Variants in PRDM16 observed in about 807,000 individuals in gnomAD.
PRDM16 encodes the protein PR/SET domain 16, also known as histone-lysine N-methyltransferase PRDM16.
Under a neutral mutation model 110.6 loss-of-function variants are expected in PRDM16, and 23 were observed. The ratio of observed to expected loss-of-function variants is 0.21; its 90% CI spans 0.15 to 0.29. PRDM16 has a LOEUF of 0.29. PRDM16 is among the 10% of genes least tolerant of loss of function. PRDM16 has a pLI of 1.00. For synonymous variants in PRDM16, 799 were observed against 781.8 expected (o/e 1.02, Z -0.37); for missense variants, 1,615 against 1,794.3 (o/e 0.90, Z 1.81).
intron 10 of PRDM16, among the ~76,000 whole-genome samples, chr1:3,416,346 G>C (rs547166604): frequency 1.3e-5 from 2 of 152,326 alleles, no homozygotes; most frequent in Non-Finnish European, 2.9e-5. Flanking sequence ...GACCCCAGCC[G>C]CGTGATGGGA....
intron 3 of PRDM16, among the ~76,000 whole-genome samples, chr1:3,333,026 G>A (rs1440672668): frequency 2.6e-5 from 4 of 152,174 alleles, no homozygotes; most frequent in Non-Finnish European, 5.9e-5. Flanking sequence ...GGCGATTTTG[G>A]ACAGTGCTGC....
At chr1:3,226,054 C>T (rs1639282529) in intron 2 of PRDM16, among the ~76,000 whole-genome samples, 1 of 152,238 alleles carries the variant, frequency 6.6e-6, no homozygotes, top group African/African-American at 2.4e-5. Flanking sequence ...GCCCAGCAGG[C>T]AGGCAGCCCT....
intron 3 of PRDM16, among the ~76,000 whole-genome samples, chr1:3,368,567 A>G (rs1642856298): frequency 6.6e-6 from 1 of 152,236 alleles, no homozygotes; most frequent in Non-Finnish European, 1.5e-5. Flanking sequence ...GAAAGGGGCC[A>G]TCTTTGCACA....
At chr1:3,270,875 C>A (rs1640437178) in intron 3 of PRDM16, among the ~76,000 whole-genome samples, 1 of 151,440 alleles carries the variant, frequency 6.6e-6, no homozygotes, top group African/African-American at 2.4e-5. Flanking sequence ...GGAGGACAGT[C>A]CAGGAGGAGG....
At chr1:3,238,991 G>A (rs985159952) in intron 2 of PRDM16, among the ~76,000 whole-genome samples, 2 of 152,216 alleles carry the variant, frequency 1.3e-5, no homozygotes, top group African/African-American at 4.8e-5. Flanking sequence ...CCGCGTCTGC[G>A]GTGCCTGGGA....
intron 2 of PRDM16, among the ~76,000 whole-genome samples, chr1:3,234,394 C>T (rs760472235): frequency 6.6e-6 from 1 of 152,222 alleles, no homozygotes; most frequent in Non-Finnish European, 1.5e-5. Context: ...CAGGTCCATC[C>T]TCAACTCCCC....
At chr1:3,351,634 C>T (rs1378186965) in intron 3 of PRDM16, among the ~76,000 whole-genome samples, 2 of 7,364 alleles carry the variant, frequency 2.7e-4, no homozygotes, top group African/African-American at 8.5e-4. Context: ...CTCCCCCTCC[C>T]TCTCTCTCCA....
At chr1:3,287,301 A>G in intron 3 of PRDM16, among the ~76,000 whole-genome samples, 1 of 140,524 alleles carries the variant, frequency 7.1e-6, no homozygotes, top group Non-Finnish European at 1.5e-5. Flanking sequence ...GATTGCATTT[A>G]CCGGGGCTGG....
At chr1:3,256,789 A>G (rs765968256) in intron 3 of PRDM16, among the ~76,000 whole-genome samples, 20 of 152,258 alleles carry the variant, frequency 1.3e-4, no homozygotes, top group South Asian at 1.0e-3. Flanking sequence ...CCCAGGAGGC[A>G]GAGCTTGCAG....
At chr1:3,306,701 TG>T (rs1223609113) in intron 3 of PRDM16, 2 of 152,230 alleles carry the variant, frequency 1.3e-5, no homozygotes, top group African/African-American at 4.8e-5. Context: ...ACGCAAACAA[TG>T]CACCCCATTA....
intron 2 of PRDM16, among the ~76,000 whole-genome samples, chr1:3,230,224 C>T (rs74904988): frequency 0.025 from 3,765 of 152,338 alleles, 118 homozygotes; most frequent in African/African-American, 0.074. Context: ...ACCTGCCCGA[C>T]GGCTCTCCAC....
At chr1:3,107,096 C>T (rs1444049641) in intron 1 of PRDM16, among the ~76,000 whole-genome samples, 1 of 152,244 alleles carries the variant, frequency 6.6e-6, no homozygotes, top group Non-Finnish European at 1.5e-5. Flanking sequence ...CAGTAGGTGC[C>T]CCAGGAATTT....
chr1:3,088,675 C>T (rs898247289), intron 1 of PRDM16, among the ~76,000 whole-genome samples: 1 of 151,172 alleles, frequency 6.6e-6, no homozygotes, highest in African/African-American at 2.4e-5. Flanking sequence ...ACCGTGTTAG[C>T]CAGGATGGTC....
At position 3,412,044 on chromosome 1, in the gene PRDM16, A is replaced by G. The variant is rs757127206; in HGVS notation, c.1847A>G (p.Asp616Gly). Residue 616 changes from aspartate to glycine, a missense_variant, in exon 9 of 17, where the codon GAC becomes GGC. By Grantham distance (94) the Asp-to-Gly change is moderately conservative. Around this residue, in one of 5 missense-constraint regions of PRDM16, gnomAD observed 772 missense variants for 748.3 expected, o/e 1.03. Transcript: ENST00000270722. ...AACACCACCACGGGGACCGACCTGG[A>G]CACGACCACGGGGACGGGCTCGGAC... is the stretch of plus-strand genomic sequence containing the variant. The part of the protein sequence containing the change: ...DVNTTTGTDL[D>G]TTTGTGSDLD... 6.2e-7 allele frequency: 1 copy of G among 1,612,270 alleles called. No homozygotes were observed. The highest frequency in any genetic ancestry group is 8.5e-7 in the Non-Finnish European group (1 of 1,179,134).
At chr1:3,340,306 G>T (rs925371420) in intron 3 of PRDM16, among the ~76,000 whole-genome samples, 5 of 151,998 alleles carry the variant, frequency 3.3e-5, no homozygotes, top group African/African-American at 9.7e-5. Flanking sequence ...GGAGGTACAG[G>T]TGGTGGCCTC....
At chr1:3,367,550 A>G (rs1642837866) in intron 3 of PRDM16, among the ~76,000 whole-genome samples, 1 of 152,166 alleles carries the variant, frequency 6.6e-6, no homozygotes, top group Non-Finnish European at 1.5e-5. Flanking sequence ...CTGGAATGTG[A>G]CAGCTGCCGG....
intron 3 of PRDM16, among the ~76,000 whole-genome samples, chr1:3,336,790 A>C (rs887298762): frequency 2.0e-5 from 3 of 146,522 alleles, no homozygotes; most frequent in East Asian, 2.1e-4. Flanking sequence ...GTGTGAATGC[A>C]TGCATGCACA....
chr1:3,132,626 C>T (rs1643357241), intron 1 of PRDM16, among the ~76,000 whole-genome samples: 1 of 152,216 alleles, frequency 6.6e-6, no homozygotes, highest in African/African-American at 2.4e-5. Context: ...CTGGAGCCCC[C>T]ATGAGGTCCA....
At chr1:3,288,998 C>G (rs935046773) in intron 3 of PRDM16, among the ~76,000 whole-genome samples, 1 of 152,220 alleles carries the variant, frequency 6.6e-6, no homozygotes, top group South Asian at 2.1e-4. Flanking sequence ...CACCTCCTCA[C>G]AGGGCCTAGG....
Sources: allele counts gnomAD v4.1 joint callset (sites outside exome capture counted in the v4.1 genomes callset), GRCh38; gene constraint gnomAD v4.1.1; regional missense constraint gnomAD v4.1.1; transcripts MANE v1.5; gene names NCBI Gene and HGNC (gene_info 2026-07-23, HGNC 2026-07-21).